Variants in PRH1 observed in about 807,000 individuals in gnomAD.
PRH1 encodes the protein salivary acidic proline-rich phosphoprotein 1/2.
PRH1 carries 7 observed loss-of-function variants against 7.9 expected under a neutral mutation model. That is an observed-to-expected ratio of 0.89 (90% CI 0.50 to 1.67). The LOEUF is 1.67. Ranked by LOEUF, PRH1 falls within the 40% of genes most tolerant of loss-of-function variation. PRH1 has a pLI of 0.00. For synonymous variants in PRH1, 45 were observed against 80.8 expected (o/e 0.56, Z 2.38); for missense variants, 109 against 223.6 (o/e 0.49, Z 3.27).
chr12:10,910,723 G>T (rs1432502016), intron 2 of PRH1, among the ~76,000 whole-genome samples: 1 of 152,092 alleles, frequency 6.6e-6, no homozygotes, highest in East Asian at 1.9e-4. Flanking sequence ...ACTCAAGAAA[G>T]ATTGTCTAAT....
intron 1 of PRH1, among the ~76,000 whole-genome samples, chr12:11,009,168 T>C (rs1003366885): frequency 6.6e-6 from 1 of 151,894 alleles, no homozygotes; most frequent in African/African-American, 2.4e-5. Context: ...AAAATATCAT[T>C]TTTAATTTCT....
intron 1 of PRH1, among the ~76,000 whole-genome samples, chr12:11,008,217 A>G (rs2136035225): frequency 6.6e-6 from 1 of 152,224 alleles, no homozygotes. Context: ...TCAACTCTCT[A>G]GAGTTGTATA....
intron 1 of PRH1, chr12:11,078,082 G>T: frequency 1.6e-6 from 1 of 634,648 alleles, no homozygotes; most frequent in Non-Finnish European, 2.9e-6. Flanking sequence ...ACCAATTCTG[G>T]AGACCACCAG....
intron 1 of PRH1, among the ~76,000 whole-genome samples, chr12:11,013,385 T>A (rs1868762): frequency 2.0e-5 from 3 of 151,982 alleles, no homozygotes; most frequent in Non-Finnish European, 4.4e-5. Context: ...ACTGAGAACA[T>A]TGAATATCCA....
At chr12:11,118,844 A>T (rs952611173), downstream of PRH1, among the ~76,000 whole-genome samples, 46 of 152,144 alleles carry the variant, frequency 3.0e-4, no homozygotes, top group Non-Finnish European at 6.0e-4. Flanking sequence ...AATACAAAAA[A>T]ATTAGCTGGG....
At chr12:11,127,962 T>C (rs1946191071) in intron 1 of PRH1, among the ~76,000 whole-genome samples, 2 of 151,824 alleles carry the variant, frequency 1.3e-5, no homozygotes, top group South Asian at 4.1e-4. Context: ...AAACCAAAGT[T>C]AGCCGGGCAT....
chr12:10,997,318 T>C, intron 1 of PRH1: 3 of 1,614,102 alleles, frequency 1.9e-6, no homozygotes, highest in East Asian at 2.2e-5. Context: ...GAGTGAATGG[T>C]ATCAAGTTTG....
At chr12:11,030,624 A>AT in intron 1 of PRH1, 1 of 1,589,274 alleles carries the variant, frequency 6.3e-7, no homozygotes, top group African/African-American at 1.4e-5. Flanking sequence ...TAAACGGCAC[A>AT]TAACAAGAGG....
At chr12:11,136,194 C>A (rs1823663) in intron 1 of PRH1, among the ~76,000 whole-genome samples, 69,231 of 152,058 alleles carry the variant, frequency 0.46, 16,568 homozygotes, top group Non-Finnish European at 0.53. Flanking sequence ...TAAACTCCAT[C>A]GCTTGGTCTG....
At chr12:11,070,305 T>G (rs142086260) in intron 1 of PRH1, among the ~76,000 whole-genome samples, 1 of 152,148 alleles carries the variant, frequency 6.6e-6, no homozygotes, top group Non-Finnish European at 1.5e-5. Flanking sequence ...AAGGGAAGAA[T>G]GCCTCAGGCA....
chr12:11,134,079 C>A, intron 1 of PRH1: 1 of 1,614,134 alleles, frequency 6.2e-7, no homozygotes, highest in Non-Finnish European at 8.5e-7. Flanking sequence ...AGCAAACCAA[C>A]TCTGGAGACC....
intron 1 of PRH1, chr12:11,022,052 G>T: frequency 1.2e-6 from 2 of 1,613,892 alleles, no homozygotes; most frequent in South Asian, 2.2e-5. Context: ...AAGCTTGAAA[G>T]GTGTATTGCA....
chr12:10,931,163 G>C, intron 2 of PRH1: 2 of 1,573,484 alleles, frequency 1.3e-6, no homozygotes, highest in Non-Finnish European at 8.6e-7. Context: ...CTATTGAAAA[G>C]CTGTTAATAT....
At position 10,883,045 on chromosome 12, in the gene PRH1, A is replaced by T; in HGVS notation, c.100+16T>A. ...AAAATGGAGACAGAGTTTACTGAGA[A>T]TTTATTGGGATTTACCTGATATTAC... On this transcript the variant is annotated intron_variant, in intron 2 of 3. Coordinates refer to ENST00000543626, the MANE Select transcript of PRH1 (RefSeq NM_001393989.1). The T allele has an allele frequency of 6.2e-7, 1 of 1,608,908 alleles. No individual in the cohort carries two copies. The highest frequency in any genetic ancestry group is 8.5e-7 in the Non-Finnish European group (1 of 1,175,164).
chr12:10,925,359 T>C (rs988995584), intron 2 of PRH1, among the ~76,000 whole-genome samples: 3 of 152,210 alleles, frequency 2.0e-5, no homozygotes, highest in Non-Finnish European at 4.4e-5. Context: ...AATTTATCCC[T>C]TCATACACAA....
At chr12:10,938,614 A>C in intron 2 of PRH1, 1 of 1,613,948 alleles carries the variant, frequency 6.2e-7, no homozygotes, top group South Asian at 1.1e-5. Flanking sequence ...TGAGGAGAAG[A>C]AACATTGCCA....
At chr12:11,047,528 G>T (rs1208316875), upstream of PRH1, among the ~76,000 whole-genome samples, 1 of 127,292 alleles carries the variant, frequency 7.9e-6, no homozygotes, top group Non-Finnish European at 1.8e-5. Flanking sequence ...AAAAAAAAAG[G>T]TTTTCTTTAA....
At chr12:10,938,975 G>C in intron 2 of PRH1, 1 of 1,613,076 alleles carries the variant, frequency 6.2e-7, no homozygotes, top group Non-Finnish European at 8.5e-7. Context: ...CATTTTTTCA[G>C]TGGCAAATAA....
At chr12:10,961,264 A>C (rs1453888042) in intron 2 of PRH1, among the ~76,000 whole-genome samples, 1 of 151,328 alleles carries the variant, frequency 6.6e-6, no homozygotes, top group Non-Finnish European at 1.5e-5. Flanking sequence ...ACAAAACAGC[A>C]GTTGCAGAAG....
Sources: gnomAD v4.1 joint callset for allele counts (sites outside exome capture counted in the v4.1 genomes callset) on GRCh38, gnomAD v4.1.1 for gene constraint, MANE v1.5 for transcripts, NCBI Gene and HGNC (gene_info 2026-07-23, HGNC 2026-07-21) for gene names.